Variants in UNC5C observed in about 807,000 individuals in gnomAD.
UNC5C encodes netrin receptor UNC5C.
A neutral mutation model predicts 99.8 loss-of-function variants in UNC5C; 47 were observed. The ratio of observed to expected loss-of-function variants is 0.47; its 90% confidence interval spans 0.37 to 0.60. UNC5C has a LOEUF of 0.60. UNC5C is among the 20% of genes least tolerant of loss of function. The probability of loss-of-function intolerance (pLI) is 0.00; values close to 1 mark genes in which losing one functional copy is unlikely to be tolerated. For missense variants in UNC5C, 1,062 were observed against 1,165.9 expected (o/e 0.91, Z 1.30); for synonymous variants, 487 against 452.2 (o/e 1.08, Z -0.98).
At chr4:95,547,367 C>A (rs1723097932) in intron 1 of UNC5C, among the ~76,000 whole-genome samples, 1 of 152,124 alleles carries the variant, frequency 6.6e-6, no homozygotes, top group Non-Finnish European at 1.5e-5. Flanking sequence ...CTATGCTAGG[C>A]GCTCTCCTCC....
chr4:95,239,561 A>T (rs561867651), intron 7 of UNC5C, among the ~76,000 whole-genome samples: 1 of 152,240 alleles, frequency 6.6e-6, no homozygotes, highest in East Asian at 1.9e-4. Flanking sequence ...TCCTGGTTAT[A>T]TTGGTGTCCA....
In UNC5C at chr4:95,386,974, GT is replaced by G; in HGVS notation, c.125-51344del. Among the ~76,000 whole-genome samples the G allele has an allele frequency of 2.0e-5, 3 of 152,236 alleles. No individual in the cohort carries two copies. In the South Asian group the frequency reaches 6.2e-4, roughly 32 times the overall value. On this transcript the variant is annotated intron_variant, in intron 1 of 15. Transcript: ENST00000453304. Reference sequence around the variant, plus strand: ...CCAAGGCTTGGACATTTGCTGCAATGTTTATTCTAAAGTCTGGTCTTCTAGA... The same window carrying G: ...CCAAGGCTTGGACATTTGCTGCAATGTTATTCTAAAGTCTGGTCTTCTAGA...
At chr4:95,421,207 A>AT (rs1746308674) in intron 1 of UNC5C, among the ~76,000 whole-genome samples, 1 of 152,164 alleles carries the variant, frequency 6.6e-6, no homozygotes, top group Non-Finnish European at 1.5e-5. Context: ...TTTGGAACAG[A>AT]TTTTTATGAC....
intron 14 of UNC5C, 119 bp from the exon 15 acceptor site, chr4:95,170,451 C>A (rs1736051957): frequency 1.6e-6 from 2 of 1,216,024 alleles, no homozygotes; most frequent in Non-Finnish European, 1.1e-6. Context: ...TGCTGTTATT[C>A]TTCTTAGGAA....
intron 1 of UNC5C, among the ~76,000 whole-genome samples, chr4:95,504,581 A>G (rs1040921944): frequency 6.6e-6 from 1 of 152,124 alleles, no homozygotes; most frequent in African/African-American, 2.4e-5. Flanking sequence ...GATTTTGTCT[A>G]TTATTTAAAG....
At chr4:95,482,138 C>T (rs946175566) in intron 1 of UNC5C, among the ~76,000 whole-genome samples, 1 of 151,980 alleles carries the variant, frequency 6.6e-6, no homozygotes, top group African/African-American at 2.4e-5. Context: ...CCAGAATCTA[C>T]AATGAACTCA....
At chr4:95,320,159 G>A (rs756017322) in intron 2 of UNC5C, among the ~76,000 whole-genome samples, 5 of 151,974 alleles carry the variant, frequency 3.3e-5, no homozygotes, top group Non-Finnish European at 7.4e-5. Flanking sequence ...GATGGCTCTC[G>A]CCTGTGTATC....
chr4:95,330,427 AT>A (rs1743066052), intron 2 of UNC5C, among the ~76,000 whole-genome samples: 1 of 152,002 alleles, frequency 6.6e-6, no homozygotes, highest in Admixed American at 6.6e-5. Context: ...TCTAAGTAGG[AT>A]TTTTAAATTT....
chr4:95,264,444 T>A (rs182905615), intron 4 of UNC5C, among the ~76,000 whole-genome samples: 7 of 152,312 alleles, frequency 4.6e-5, no homozygotes, highest in Admixed American at 3.9e-4. Flanking sequence ...TCTGAGCAGA[T>A]GGCATATGTC....
intron 1 of UNC5C, among the ~76,000 whole-genome samples, chr4:95,388,897 T>A (rs542754262): frequency 2.7e-4 from 41 of 152,240 alleles, no homozygotes; most frequent in East Asian, 1.7e-3. Flanking sequence ...CTAATTTTTT[T>A]AAAAAGTAAT....
At chr4:95,448,230 G>GAGAGAGAGAGAGAGAGAGAGAC (rs1747172825) in intron 1 of UNC5C, among the ~76,000 whole-genome samples, 2 of 124,754 alleles carry the variant, frequency 1.6e-5, no homozygotes, top group African/African-American at 6.0e-5. Context: ...GTGTGTGTGA[G>GAGAGAGAGAGAGAGAGAGAGAC]AGAGAGAGAG....
chr4:95,542,315 G>A (rs1480990326), intron 1 of UNC5C, among the ~76,000 whole-genome samples: 1 of 152,064 alleles, frequency 6.6e-6, no homozygotes, highest in African/African-American at 2.4e-5. Context: ...CTAAAAGAGG[G>A]TATTCACCAA....
intron 3 of UNC5C, among the ~76,000 whole-genome samples, chr4:95,288,496 G>A (rs765322169): frequency 6.6e-6 from 1 of 152,206 alleles, no homozygotes; most frequent in Non-Finnish European, 1.5e-5. Context: ...TGGATGCCGC[G>A]TAGCAGCTGT....
At chr4:95,330,046 T>C (rs952323769) in intron 2 of UNC5C, among the ~76,000 whole-genome samples, 35 of 152,158 alleles carry the variant, frequency 2.3e-4, no homozygotes, top group Non-Finnish European at 4.7e-4. Flanking sequence ...TATCAATTCA[T>C]GTATTGAATA....
At chr4:95,489,080 AGG>A (rs1228358555) in intron 1 of UNC5C, among the ~76,000 whole-genome samples, 1 of 131,590 alleles carries the variant, frequency 7.6e-6, no homozygotes, top group Non-Finnish European at 1.6e-5. Flanking sequence ...GAGGGGAGGC[AGG>A]GAGAGAGGGA....
chr4:95,270,159 C>A (rs1740606144), intron 4 of UNC5C, among the ~76,000 whole-genome samples: 1 of 152,066 alleles, frequency 6.6e-6, no homozygotes, highest in Non-Finnish European at 1.5e-5. Flanking sequence ...TCTCACCTTC[C>A]CTTGTAGGTG....
At chr4:95,502,762 G>T (rs1254387750) in intron 1 of UNC5C, among the ~76,000 whole-genome samples, 1 of 152,100 alleles carries the variant, frequency 6.6e-6, no homozygotes, top group African/African-American at 2.4e-5. Context: ...TAATAAAATT[G>T]TTCCCTGTAA....
At chr4:95,220,436 T>A (rs1579242463) in intron 7 of UNC5C, among the ~76,000 whole-genome samples, 1 of 152,244 alleles carries the variant, frequency 6.6e-6, no homozygotes, top group Non-Finnish European at 1.5e-5. Context: ...TTACTAGGCA[T>A]ATAAAGAAAC....
intron 14 of UNC5C, among the ~76,000 whole-genome samples, chr4:95,180,005 A>T (rs561006404): frequency 2.6e-3 from 387 of 150,756 alleles, no homozygotes; most frequent in Non-Finnish European, 4.4e-3. Flanking sequence ...TTGATGACAG[A>T]CCCCCCCCAC....
Sources: allele counts gnomAD v4.1 joint callset (sites outside exome capture counted in the v4.1 genomes callset), GRCh38; gene constraint gnomAD v4.1.1; transcripts MANE v1.5; gene names NCBI Gene and HGNC (gene_info 2026-07-23, HGNC 2026-07-21).